Variants in CSMD2 observed in about 807,000 individuals in gnomAD.
The protein encoded by CSMD2 is CUB and sushi domain-containing protein 2.
In CSMD2, 130 loss-of-function variants were observed where a neutral mutation model predicts 398.5. The observed-to-expected ratio is 0.33, with a 90% CI of 0.28 to 0.38. The LOEUF (loss-of-function observed/expected upper bound fraction) is 0.38. Ranked by LOEUF, CSMD2 falls within the 10% of genes least tolerant of loss-of-function variation. The probability of loss-of-function intolerance (pLI) is 1.00; values close to 1 mark genes in which losing one functional copy is unlikely to be tolerated. For missense variants in CSMD2, 3,829 were observed against 4,764.9 expected, an observed-to-expected ratio of 0.80 and a Z score of 5.78; for synonymous variants, 1,828 against 1,908.5, an observed-to-expected ratio of 0.96 and a Z score of 1.10.
At chr1:33,720,477 C>T (rs757875610) in intron 19 of CSMD2, among the ~76,000 whole-genome samples, 1 of 152,098 alleles carries the variant, frequency 6.6e-6, no homozygotes, top group Admixed American at 6.5e-5. Context: ...GCTGGCCAGG[C>T]AAGGGCAACG....
At chr1:33,700,478 C>T (rs774405829) in intron 23 of CSMD2, 39 bp downstream of exon 23, 7 of 1,604,592 alleles carry the variant, frequency 4.4e-6, no homozygotes, top group African/African-American at 4.0e-5. Flanking sequence ...AATGGGAAAC[C>T]CTGACTTCCT....
intron 5 of CSMD2, among the ~76,000 whole-genome samples, chr1:33,890,198 T>C (rs1331181581): frequency 6.6e-6 from 1 of 151,286 alleles, no homozygotes; most frequent in East Asian, 1.9e-4. Context: ...GGGATCTAAA[T>C]ATATATAAAA....
intron 6 of CSMD2, among the ~76,000 whole-genome samples, chr1:33,827,355 T>G (rs947663107): frequency 1.5e-4 from 23 of 152,234 alleles, no homozygotes; most frequent in South Asian, 4.1e-4. Context: ...TCCAGCCTCA[T>G]GGGCCTCTCT....
chr1:33,723,648 G>T (rs1026185635), intron 19 of CSMD2, among the ~76,000 whole-genome samples: 1 of 152,222 alleles, frequency 6.6e-6, no homozygotes, highest in South Asian at 2.1e-4. Context: ...GGCATCAGGG[G>T]AGGAGCTGAG....
chr1:33,617,172 T>C (rs1298501475), intron 38 of CSMD2, among the ~76,000 whole-genome samples, 197 bp from the exon 39 acceptor site: 1 of 152,252 alleles, frequency 6.6e-6, no homozygotes, highest in Non-Finnish European at 1.5e-5. Flanking sequence ...TAACAACGAT[T>C]ACTAAAGAAT....
intron 3 of CSMD2, among the ~76,000 whole-genome samples, chr1:34,015,377 C>T (rs1242826977): frequency 6.6e-6 from 1 of 152,212 alleles, no homozygotes; most frequent in African/African-American, 2.4e-5. Context: ...AACCCAAGAA[C>T]TCTATGATTC....
At chr1:33,829,026 T>C (rs761637360) in intron 6 of CSMD2, among the ~76,000 whole-genome samples, 1 of 152,218 alleles carries the variant, frequency 6.6e-6, no homozygotes, top group African/African-American at 2.4e-5. Context: ...ATTACCGCTT[T>C]GAGCTAGGTC....
chr1:33,868,554 G>A (rs1330709953), intron 5 of CSMD2, among the ~76,000 whole-genome samples: 1 of 152,038 alleles, frequency 6.6e-6, no homozygotes, highest in African/African-American at 2.4e-5. Context: ...TGATCAACAT[G>A]GTGAAACCCC....
chr1:33,548,717 G>C (rs1174659439), intron 56 of CSMD2, among the ~76,000 whole-genome samples: 1 of 152,140 alleles, frequency 6.6e-6, no homozygotes, highest in Non-Finnish European at 1.5e-5. Flanking sequence ...TCTCATCCAA[G>C]GGATTTAAGG....
At chr1:33,774,383 C>T (rs1257383366) in intron 12 of CSMD2, among the ~76,000 whole-genome samples, 1 of 152,108 alleles carries the variant, frequency 6.6e-6, no homozygotes, top group Non-Finnish European at 1.5e-5. Flanking sequence ...CTGAGGCATT[C>T]CAGGAACATG....
chr1:33,961,714 AT>A (rs1645366725), intron 3 of CSMD2, among the ~76,000 whole-genome samples: 1 of 152,020 alleles, frequency 6.6e-6, no homozygotes, highest in South Asian at 2.1e-4. Context: ...CACGCAGTTG[AT>A]CGTTTAAAGG....
chr1:33,615,006 C>T (rs936593998), intron 39 of CSMD2, among the ~76,000 whole-genome samples: 3 of 152,228 alleles, frequency 2.0e-5, no homozygotes, highest in African/African-American at 7.2e-5. Flanking sequence ...TCTACTCTTT[C>T]AAGACTGCAG....
chr1:33,903,305 C>G (rs996327932), intron 5 of CSMD2, among the ~76,000 whole-genome samples: 10 of 151,430 alleles, frequency 6.6e-5, no homozygotes, highest in African/African-American at 2.4e-4. Flanking sequence ...TGCAATCAAA[C>G]CTCTCCAGTT....
At chr1:34,062,736 G>A (rs1345226937) in intron 2 of CSMD2, among the ~76,000 whole-genome samples, 2 of 152,194 alleles carry the variant, frequency 1.3e-5, no homozygotes, top group Non-Finnish European at 2.9e-5. Context: ...CCTTGCTTCT[G>A]CTGGTGTTTG....
At chr1:33,724,435 G>A (rs1646459446) in intron 18 of CSMD2, 81 bp downstream of exon 18, 2 of 1,545,772 alleles carry the variant, frequency 1.3e-6, no homozygotes, top group African/African-American at 1.4e-5. Context: ...GGGTGAGGGA[G>A]TCAGTGGTCT....
At chr1:33,984,856 AAGGAAGGCAGGCAGGC>A (rs1558201668) in intron 3 of CSMD2, among the ~76,000 whole-genome samples, 2 of 141,626 alleles carry the variant, frequency 1.4e-5, no homozygotes, top group African/African-American at 3.0e-5. Context: ...GGAAGGAAGG[AAGGAAGGCAGGCAGGC>A]AGGCAGGCAG....
At chr1:33,712,422 C>T (rs190480962) in intron 21 of CSMD2, among the ~76,000 whole-genome samples, 5 of 152,292 alleles carry the variant, frequency 3.3e-5, no homozygotes, top group East Asian at 1.9e-4. Context: ...CTAAATCATC[C>T]AATTTGCATG....
chr1:33,672,878 C>T (rs537752520), intron 25 of CSMD2, among the ~76,000 whole-genome samples: 1 of 152,326 alleles, frequency 6.6e-6, no homozygotes, highest in Admixed American at 6.5e-5. Flanking sequence ...CCAGCAAACT[C>T]CAACAGACCT....
At chr1:33,571,328 A>G (rs1020544939) in intron 51 of CSMD2, among the ~76,000 whole-genome samples, 1 of 152,242 alleles carries the variant, frequency 6.6e-6, no homozygotes, top group Non-Finnish European at 1.5e-5. Context: ...TAAGATGAGA[A>G]GATGCTAAGA....
Sources: gnomAD v4.1 joint callset for allele counts (sites outside exome capture counted in the v4.1 genomes callset) on GRCh38, gnomAD v4.1.1 for gene constraint, MANE v1.5 for transcripts, NCBI Gene and HGNC (gene_info 2026-07-23, HGNC 2026-07-21) for gene names.